Variants in FARP1 observed in about 807,000 individuals in gnomAD.
FARP1 encodes the protein FERM, ARH/RhoGEF and pleckstrin domain protein 1.
A neutral mutation model predicts 128.8 loss-of-function variants in FARP1; 52 were observed. The observed-to-expected ratio is 0.40, with a 90% CI of 0.32 to 0.51. The LOEUF is 0.51. Among genes scored for constraint, FARP1 ranks in the 20% least tolerant of loss-of-function variants. The pLI is 0.45. For missense variants in FARP1, 1,333 were observed against 1,367.9 expected (o/e 0.97, Z 0.40); for synonymous variants, 580 against 551.8 (o/e 1.05, Z -0.72).
chr13:98,352,499 G>T (rs1443071074), intron 3 of FARP1, among the ~76,000 whole-genome samples: 2 of 152,198 alleles, frequency 1.3e-5, no homozygotes, highest in African/African-American at 4.8e-5. Flanking sequence ...GGGCAATCGA[G>T]CCAGGGAACT....
chr13:98,373,178 C>T (rs1001653477), intron 5 of FARP1, among the ~76,000 whole-genome samples: 10 of 152,152 alleles, frequency 6.6e-5, no homozygotes, highest in African/African-American at 1.7e-4. Flanking sequence ...GATGCCATCT[C>T]GCAGCCCATG....
chr13:98,337,958 C>G (rs1259961786), intron 2 of FARP1, among the ~76,000 whole-genome samples: 3 of 152,120 alleles, frequency 2.0e-5, no homozygotes, highest in Non-Finnish European at 4.4e-5. Context: ...AAGGTCCTAC[C>G]TCATAATATT....
At chr13:98,335,484 C>A (rs79201081) in intron 2 of FARP1, among the ~76,000 whole-genome samples, 1,694 of 152,278 alleles carry the variant, frequency 0.011, 68 homozygotes, top group East Asian at 0.094. Flanking sequence ...TGACTCACCT[C>A]CTACAGGGTT....
rs530643669 is a variant in FARP1, at chr13:98,286,346, C to T, written c.172-57416C>T. 1.3e-5 allele frequency among the ~76,000 whole-genome samples: 2 copies of T among 152,282 alleles called. 1 individual carries two copies. The highest frequency in any genetic ancestry group is 1.3e-4 in the Admixed American group (2 of 15,300). Reference sequence around the variant, plus strand: ...TCCCCTTGATATGGTTTGGCTGTGTCCCCACCTAAATCTCAACTTGAATTA... The same window carrying T: ...TCCCCTTGATATGGTTTGGCTGTGTTCCCACCTAAATCTCAACTTGAATTA... On this transcript the variant is annotated intron_variant, in intron 2 of 26. Coordinates refer to ENST00000319562, the MANE Select transcript of FARP1 (RefSeq NM_005766.4).
In FARP1 at chr13:98,354,176, A is replaced by G. The variant is rs182746149; in HGVS notation, c.276+10310A>G. ...CCAACTCCTACTTAATGAGTTCAGT[A>G]CACAAGTGCATAGGGATAGCCTGTA... On this transcript the variant is annotated intron_variant, in intron 3 of 26. Coordinates refer to ENST00000319562, the MANE Select transcript of FARP1 (RefSeq NM_005766.4). Among the ~76,000 whole-genome samples, 216 of 152,376 alleles carry G rather than the reference A, an allele frequency of 1.4e-3. 1 individual carries two copies. The highest frequency in any genetic ancestry group is 5.1e-3 in the African/African-American group (211 of 41,598).
Position 98,176,697 on chromosome 13 carries a change from T to G in FARP1, c.-24+33205T>G. 3 of 1,614,188 alleles carry G rather than the reference T, an allele frequency of 1.9e-6. No homozygotes were observed. The highest frequency in any genetic ancestry group is 2.5e-6 in the Non-Finnish European group (3 of 1,180,020). On this transcript the variant is annotated intron_variant, in intron 1 of 26. Coordinates refer to ENST00000319562, the MANE Select transcript of FARP1 (RefSeq NM_005766.4). The surrounding 1 kb of genome is among the most constrained non-coding windows in gnomAD (Gnocchi z 6.2). ...AGCGCACAGTGGCGCGCAGATGCCC[T>G]GGCGCACGTATGGGGCCCTTCCTCG...
At chr13:98,417,667 A>G (rs1332845986) in intron 16 of FARP1, among the ~76,000 whole-genome samples, 2 of 152,082 alleles carry the variant, frequency 1.3e-5, no homozygotes, top group Non-Finnish European at 2.9e-5. Context: ...CCTCCAGGGC[A>G]GAGAGGGGGC....
At chr13:98,202,716 T>G (rs1880026772) in intron 1 of FARP1, among the ~76,000 whole-genome samples, 1 of 152,086 alleles carries the variant, frequency 6.6e-6, no homozygotes, top group Admixed American at 6.5e-5. Context: ...TCTTCTTAAT[T>G]ACTTTTTTTT....
intron 2 of FARP1, among the ~76,000 whole-genome samples, chr13:98,263,495 A>G (rs573870246): frequency 1.6e-4 from 25 of 152,358 alleles, no homozygotes; most frequent in Non-Finnish European, 3.2e-4. Flanking sequence ...TATTTTCAAG[A>G]CTGTTCTCAA....
At chr13:98,432,635 C>T (rs1344173971) in intron 18 of FARP1, 1 of 152,238 alleles carries the variant, frequency 6.6e-6, no homozygotes, top group African/African-American at 2.4e-5. Context: ...CCAAAACTGT[C>T]ATCTTTTTTA....
intron 13 of FARP1, chr13:98,396,010 C>T (rs1418806144): frequency 1.0e-5 from 4 of 399,068 alleles, no homozygotes; most frequent in East Asian, 3.6e-5. Context: ...TCCTTATGAA[C>T]GCTGGTCCCC....
intron 2 of FARP1, among the ~76,000 whole-genome samples, chr13:98,267,036 G>A (rs1255318071): frequency 8.2e-6 from 1 of 122,080 alleles, no homozygotes; most frequent in African/African-American, 3.2e-5. Flanking sequence ...AAAAAAAAAG[G>A]GGTGGTATAC....
At chr13:98,253,845 G>A (rs2139503525) in intron 2 of FARP1, among the ~76,000 whole-genome samples, 1 of 152,320 alleles carries the variant, frequency 6.6e-6, no homozygotes, top group South Asian at 2.1e-4. Context: ...CGCCCTGGGT[G>A]GAGGCAGAAT....
Position 98,341,474 on chromosome 13 carries a change from A to G in FARP1, c.172-2288A>G, listed in dbSNP as rs548198957. On this transcript the variant is annotated intron_variant, in intron 2 of 26. Transcript: ENST00000319562. The stretch of plus-strand genomic sequence containing the variant: ...TGGTGAAACCCCGTCTCTACTAAAA[A>G]TACAAAAATTAGCTGGGCGTGGTGG... Among the ~76,000 whole-genome samples, 88 of 152,268 alleles carry G rather than the reference A, an allele frequency of 5.8e-4. 1 individual carries two copies. Among genetic ancestry groups the G allele is most frequent in the East Asian group, 9.6e-4 (5 of 5,182 alleles).
At chr13:98,417,136 C>G (rs891188730) in intron 16 of FARP1, among the ~76,000 whole-genome samples, 10 of 151,892 alleles carry the variant, frequency 6.6e-5, no homozygotes, top group Non-Finnish European at 1.3e-4. Context: ...GTCAAAGAAG[C>G]CAGGAAGAAA....
chr13:98,240,892 C>T (rs772107292), intron 2 of FARP1, among the ~76,000 whole-genome samples: 2 of 152,196 alleles, frequency 1.3e-5, no homozygotes, highest in African/African-American at 2.4e-5. Context: ...CATTCCTTTA[C>T]GATCCGGCAT....
At chr13:98,318,228 G>T (rs1270393684) in intron 2 of FARP1, among the ~76,000 whole-genome samples, 1 of 138,582 alleles carries the variant, frequency 7.2e-6, no homozygotes, top group Non-Finnish European at 1.6e-5. Context: ...GCTAATTTTT[G>T]TATTTTTTTT....
At chr13:98,227,730 C>G (rs957867452) in intron 2 of FARP1, among the ~76,000 whole-genome samples, 4 of 152,114 alleles carry the variant, frequency 2.6e-5, no homozygotes, top group African/African-American at 9.7e-5. Flanking sequence ...AACATCCATC[C>G]TTGGATAAAT....
chr13:98,434,142 G>A (rs1366682792), intron 18 of FARP1: 1 of 152,272 alleles, frequency 6.6e-6, no homozygotes, highest in Admixed American at 6.5e-5. Flanking sequence ...CACTGTAGGA[G>A]CCTAGGTTTC....
Sources: gnomAD v4.1 joint callset for allele counts (sites outside exome capture counted in the v4.1 genomes callset) on GRCh38, gnomAD v4.1.1 for gene constraint, Gnocchi (gnomAD v3.1) non-coding constraint, MANE v1.5 for transcripts, NCBI Gene and HGNC (gene_info 2026-07-23, HGNC 2026-07-21) for gene names.